Variants in GALNT18 observed in about 807,000 individuals in gnomAD.
The protein encoded by GALNT18 is polypeptide N-acetylgalactosaminyltransferase 18.
GALNT18 carries 44 observed loss-of-function variants against 69.5 expected under a neutral mutation model. The ratio of observed to expected loss-of-function variants is 0.63; its 90% confidence interval spans 0.50 to 0.81. GALNT18 has a LOEUF of 0.81. GALNT18 is among the 40% of genes least tolerant of loss of function. GALNT18 has a pLI of 0.00. For missense variants in GALNT18, 715 were observed against 810.0 expected (o/e 0.88, Z 1.42); for synonymous variants, 364 against 318.2 (o/e 1.14, Z -1.53).
At chr11:11,528,578 G>C (rs1034879584) in intron 1 of GALNT18, among the ~76,000 whole-genome samples, 6 of 152,198 alleles carry the variant, frequency 3.9e-5, no homozygotes, top group African/African-American at 1.4e-4. Flanking sequence ...ATCAGAGACT[G>C]ATACTGTCAG....
intron 1 of GALNT18, among the ~76,000 whole-genome samples, chr11:11,570,547 CT>C (rs1268011846): frequency 2.0e-5 from 3 of 152,226 alleles, no homozygotes; most frequent in African/African-American, 7.2e-5. Context: ...GCCTAGAAAG[CT>C]TTTTTCCACA....
chr11:11,515,654 C>T (rs550988194), intron 1 of GALNT18, among the ~76,000 whole-genome samples: 1 of 152,326 alleles, frequency 6.6e-6, no homozygotes, highest in African/African-American at 2.4e-5. Flanking sequence ...GGATGGGCCA[C>T]GGGCTCTCTG....
chr11:11,309,835 C>A lies in GALNT18; in HGVS notation c.1513-16642G>T, dbSNP rs1849639998. Among the ~76,000 whole-genome samples, 1 of 152,156 alleles carries A rather than the reference C, an allele frequency of 6.6e-6. No individual in the cohort carries two copies. Among genetic ancestry groups the A allele is most frequent in the South Asian group, 2.1e-4 (1 of 4,826 alleles). On this transcript the variant is annotated intron_variant, in intron 9 of 10. Transcript: ENST00000227756. The surrounding 1 kb of genome is among the most constrained non-coding windows in gnomAD (Gnocchi z 4.6). ...AGCCTGCAAACTTGTTCCTCCTGGG[C>A]CTCAGCAGAAGTTCATTTCCTGTGC... is the stretch of plus-strand genomic sequence containing the variant.
chr11:11,431,515 G>A (rs180949543), intron 3 of GALNT18, among the ~76,000 whole-genome samples: 4 of 152,152 alleles, frequency 2.6e-5, no homozygotes, highest in East Asian at 1.9e-4. Context: ...TCATGTCCAC[G>A]GAACAATGAA....
At chr11:11,580,148 G>A (rs1193702410) in intron 1 of GALNT18, among the ~76,000 whole-genome samples, 1 of 152,210 alleles carries the variant, frequency 6.6e-6, no homozygotes, top group African/African-American at 2.4e-5. Context: ...CCCTGGGGTT[G>A]CCACTAACTC....
chr11:11,316,860 C>T lies in GALNT18; in HGVS notation c.1512+10226G>A, dbSNP rs79379790. Among the ~76,000 whole-genome samples the T allele has an allele frequency of 5.6e-3, 850 of 152,320 alleles. 7 individuals are homozygous for T. Among genetic ancestry groups the T allele is most frequent in the African/African-American group, 0.02 (817 of 41,562 alleles). On this transcript the variant is annotated intron_variant, in intron 9 of 10. Transcript: ENST00000227756. ...TGATCATCTAAGTTCCTGCCTCCCTCTCCAGACAGGAAGTCCTCCAGGGCA... is the reference window on the plus strand; with the variant it reads ...TGATCATCTAAGTTCCTGCCTCCCTTTCCAGACAGGAAGTCCTCCAGGGCA...
chr11:11,372,866 T>C lies in GALNT18; in HGVS notation c.978-237A>G, dbSNP rs1589947712. 6.6e-6 allele frequency among the ~76,000 whole-genome samples: 1 copy of C among 152,002 alleles called. No individual in the cohort carries two copies. The highest frequency in any genetic ancestry group is 1.5e-5 in the Non-Finnish European group (1 of 67,984). On this transcript the variant is annotated intron_variant, in intron 5 of 10. Transcript: ENST00000227756. The surrounding 1 kb of genome is among the most constrained non-coding windows in gnomAD (Gnocchi z 4.9). ...ATCCTGGGATCAGCTATTAGTGGGG[T>C]GGTGCTTGTGTGTGTGTTAGCTTTG... is the stretch of plus-strand genomic sequence containing the variant.
intron 1 of GALNT18, among the ~76,000 whole-genome samples, chr11:11,512,916 T>C (rs1857192523): frequency 6.6e-6 from 1 of 152,184 alleles, no homozygotes; most frequent in South Asian, 2.1e-4. Context: ...GTGATCTGTG[T>C]GTGTGTCTGT....
rs1859661434 is a variant in GALNT18, at chr11:11,602,746, CCT to C, written c.235+18611_235+18612del. On this transcript the variant is annotated intron_variant, in intron 1 of 10. Coordinates refer to ENST00000227756, the MANE Select transcript of GALNT18 (RefSeq NM_198516.3). This position sits in a 1 kb window ranked among gnomAD's most constrained non-coding sequence, Gnocchi z 4.7. Reference sequence around the variant, plus strand: ...TGCCATTCCAGTTCTTCCCTAACCCCCTGTGATTTGCACTGCAAAAAAAGAGA... The same window carrying C: ...TGCCATTCCAGTTCTTCCCTAACCCCGTGATTTGCACTGCAAAAAAAGAGA... Among the ~76,000 whole-genome samples, 1 of 152,134 alleles carries C rather than the reference CCT, an allele frequency of 6.6e-6. No homozygotes were observed. The highest frequency in any genetic ancestry group is 1.5e-5 in the Non-Finnish European group (1 of 68,032).
intron 10 of GALNT18, among the ~76,000 whole-genome samples, chr11:11,275,923 T>C (rs1848934838): frequency 1.3e-5 from 2 of 152,232 alleles, no homozygotes; most frequent in Non-Finnish European, 2.9e-5. Context: ...CCATGCTGTT[T>C]TGGTTACTGT....
Position 11,337,797 on chromosome 11 carries a change from A to G in GALNT18, c.1278+3022T>C, listed in dbSNP as rs984333505. ...ATGTAATGGGCAGTTCCCATAGTCC[A>G]CGCAACGTATGCAGACTTCAAAACA... is the stretch of plus-strand genomic sequence containing the variant. On this transcript the variant is annotated intron_variant, in intron 7 of 10. Coordinates refer to ENST00000227756, the MANE Select transcript of GALNT18 (RefSeq NM_198516.3). The surrounding 1 kb of genome is among the most constrained non-coding windows in gnomAD (Gnocchi z 4.9). Among the ~76,000 whole-genome samples the G allele has an allele frequency of 2.0e-5, 3 of 152,080 alleles. No homozygotes were observed. Among genetic ancestry groups the G allele is most frequent in the African/African-American group, 7.2e-5 (3 of 41,408 alleles).
intron 1 of GALNT18, among the ~76,000 whole-genome samples, chr11:11,491,309 A>G (rs1190878523): frequency 6.6e-6 from 1 of 152,234 alleles, no homozygotes; most frequent in Non-Finnish European, 1.5e-5. Context: ...CTATCATCCA[A>G]GAGCCATGAG....
rs942202090 is a variant in GALNT18 at position 11,582,850 on chromosome 11, T to C, written c.235+38509A>G. Among the ~76,000 whole-genome samples, 2 of 152,148 alleles carry C rather than the reference T, an allele frequency of 1.3e-5. No individual in the cohort carries two copies. The highest frequency in any genetic ancestry group is 4.8e-5 in the African/African-American group (2 of 41,422). On this transcript the variant is annotated intron_variant, in intron 1 of 10. Coordinates refer to ENST00000227756, the MANE Select transcript of GALNT18 (RefSeq NM_198516.3). This position sits in a 1 kb window ranked among gnomAD's most constrained non-coding sequence, Gnocchi z 5.0. ...TTGTTGAGTGAAGAACGGACCCACA[T>C]CAGCTGCACCTCTTTCTCCAACTCC...
intron 10 of GALNT18, among the ~76,000 whole-genome samples, chr11:11,275,091 C>T (rs1416241088): frequency 1.3e-5 from 2 of 152,206 alleles, no homozygotes; most frequent in Non-Finnish European, 2.9e-5. Flanking sequence ...AATAGTATTT[C>T]TAGTTCTAGA....
chr11:11,280,794 A>G (rs926242410), intron 10 of GALNT18, among the ~76,000 whole-genome samples: 21 of 152,288 alleles, frequency 1.4e-4, no homozygotes, highest in African/African-American at 5.1e-4. Context: ...TTGGGGCCAC[A>G]TGGTGCTCCT....
At chr11:11,345,612 G>A (rs761701413) in intron 6 of GALNT18, among the ~76,000 whole-genome samples, 1 of 152,092 alleles carries the variant, frequency 6.6e-6, no homozygotes, top group Non-Finnish European at 1.5e-5. Context: ...GATAGAGCAA[G>A]CCCCAAACCA....
At chr11:11,451,284 T>C (rs184035590) in intron 1 of GALNT18, among the ~76,000 whole-genome samples, 2 of 152,310 alleles carry the variant, frequency 1.3e-5, no homozygotes, top group Admixed American at 6.5e-5. Context: ...AGTAAAAATC[T>C]AAATCAGTGA....
At chr11:11,460,863 A>G (rs1233338059) in intron 1 of GALNT18, among the ~76,000 whole-genome samples, 1 of 152,166 alleles carries the variant, frequency 6.6e-6, no homozygotes, top group Non-Finnish European at 1.5e-5. Context: ...ACCCTCTGAG[A>G]AAAAATGTTA....
intron 5 of GALNT18, among the ~76,000 whole-genome samples, chr11:11,375,999 A>T (rs1463819061): frequency 6.6e-6 from 1 of 152,136 alleles, no homozygotes. Context: ...CACTCCAAAA[A>T]CTGTACCCTA....
Sources: allele counts gnomAD v4.1 joint callset (sites outside exome capture counted in the v4.1 genomes callset), GRCh38; gene constraint gnomAD v4.1.1; non-coding constraint Gnocchi (gnomAD v3.1); transcripts MANE v1.5; gene names NCBI Gene and HGNC (gene_info 2026-07-23, HGNC 2026-07-21).